The following LDLRAD4 variants were observed in gnomAD, a reference collection of about 807,000 sequenced individuals.
LDLRAD4 encodes low-density lipoprotein receptor class A domain-containing protein 4.
Under a neutral mutation model 17.0 loss-of-function variants are expected in LDLRAD4, and 5 were observed. That is an observed-to-expected ratio of 0.29 (90% confidence interval 0.15 to 0.62). The LOEUF is 0.62. LDLRAD4 is among the 20% of genes least tolerant of loss of function. The pLI, the probability that LDLRAD4 is intolerant of heterozygous loss-of-function variation, is 0.84. For synonymous variants in LDLRAD4, 168 were observed against 171.8 expected, an observed-to-expected ratio of 0.98 and a Z score of 0.17; for missense variants, 340 against 424.7, an observed-to-expected ratio of 0.80 and a Z score of 1.75.
intron 1 of LDLRAD4, among the ~76,000 whole-genome samples, chr18:13,253,599 G>A (rs11662617): frequency 0.38 from 57,669 of 151,904 alleles, 12,805 homozygotes; most frequent in East Asian, 0.52. Context: ...GGTACAGTAT[G>A]TGTTACCCTT....
rs140497422 is a variant in LDLRAD4 at position 13,270,173 on chromosome 18, G to T, written c.-466-7932G>T. On this transcript the variant is annotated intron_variant, in intron 1 of 5. Coordinates refer to the LDLRAD4 transcript ENST00000399848. The stretch of plus-strand genomic sequence containing the variant: ...ATCCCAGGAGTTTGAGACCAGGCTG[G>T]GCAACACAGCAAGATCCTGATTGTA... Among the ~76,000 whole-genome samples the T allele has an allele frequency of 1.3e-3, 192 of 152,082 alleles. 2 individuals carry two copies. In the East Asian group the frequency reaches 0.028, roughly 22 times the overall value.
At chr18:13,567,478 T>A (rs945452459) in intron 3 of LDLRAD4, among the ~76,000 whole-genome samples, 8 of 151,218 alleles carry the variant, frequency 5.3e-5, no homozygotes, top group Non-Finnish European at 7.4e-5. Context: ...CCCCAGGAGT[T>A]ACGCTTTTGC....
At chr18:13,612,486 A>C in intron 3 of LDLRAD4, 1 of 1,333,096 alleles carries the variant, frequency 7.5e-7, no homozygotes, top group Admixed American at 3.3e-5. Context: ...TGAGTCTAGC[A>C]CCTGGGGTGG....
Position 13,438,385 on chromosome 18 carries a change from G to A in LDLRAD4, c.181+1G>A, listed in dbSNP as rs2090803102. Reference sequence around the variant, plus strand: ...CACCCGCCTCCGGGCATCTTCAACTGTAAGTCTCTCCTCCCACCTGGGTGG... The same window carrying A: ...CACCCGCCTCCGGGCATCTTCAACTATAAGTCTCTCCTCCCACCTGGGTGG... On this transcript the variant is annotated splice_donor_variant, in intron 3 of 5. Transcript: ENST00000359446. LOFTEE classifies it high-confidence loss of function. The A allele has an allele frequency of 6.2e-7, 1 of 1,613,492 alleles. No homozygotes were observed. The highest frequency in any genetic ancestry group is 1.3e-5 in the African/African-American group (1 of 74,940).
rs377242716 is a variant in LDLRAD4 at position 13,430,654 on chromosome 18, TACAC to T, written c.41-7582_41-7579del. Among the ~76,000 whole-genome samples, 65 of 152,348 alleles carry T rather than the reference TACAC, an allele frequency of 4.3e-4. 1 individual carries two copies. The highest frequency in any genetic ancestry group is 6.8e-3 in the Middle Eastern group (2 of 294). ...AGACTCATTGAGCTGGACTTTCTGATACACACACACATGCATACATACACATATG... is the reference window on the plus strand; with the variant it reads ...AGACTCATTGAGCTGGACTTTCTGATACACACATGCATACATACACATATG... On this transcript the variant is annotated intron_variant, in intron 2 of 5. Coordinates refer to ENST00000359446, the Ensembl canonical transcript of LDLRAD4.
At chr18:13,513,515 G>A (rs1470111965) in intron 3 of LDLRAD4, among the ~76,000 whole-genome samples, 1 of 152,196 alleles carries the variant, frequency 6.6e-6, no homozygotes, top group East Asian at 1.9e-4. Flanking sequence ...AACTTCAGGA[G>A]CTTCAGATCT....
chr18:13,225,385 T>C (rs1181557656), intron 1 of LDLRAD4, among the ~76,000 whole-genome samples: 1 of 152,346 alleles, frequency 6.6e-6, no homozygotes, highest in African/African-American at 2.4e-5. Context: ...CTGGGATGGA[T>C]GCTGACCCCT....
chr18:13,292,251 C>A (rs1209393353), intron 1 of LDLRAD4, among the ~76,000 whole-genome samples: 1 of 152,188 alleles, frequency 6.6e-6, no homozygotes, highest in Non-Finnish European at 1.5e-5. Flanking sequence ...ACTGGGTGCA[C>A]CTTGCTGTGC....
At chr18:13,485,675 T>C (rs1478037622) in intron 3 of LDLRAD4, among the ~76,000 whole-genome samples, 1 of 152,208 alleles carries the variant, frequency 6.6e-6, no homozygotes, top group Non-Finnish European at 1.5e-5. Flanking sequence ...TTAATAATTA[T>C]CCCTATATGT....
chr18:13,643,464 G>GGGGGGGGGGGGGGGGGGCC, intron 5 of LDLRAD4, 52 bp downstream of exon 6: 1 of 288,992 alleles, frequency 3.5e-6, no homozygotes, highest in East Asian at 5.7e-5. Flanking sequence ...GGTGGGTGGG[G>GGGGGGGGGGGGGGGGGGCC]ATGAAGGGGG....
chr18:13,378,181 T>A (rs1318350450), intron 1 of LDLRAD4, among the ~76,000 whole-genome samples: 1 of 152,208 alleles, frequency 6.6e-6, no homozygotes, highest in Admixed American at 6.5e-5. Context: ...GATCAGTTTG[T>A]CTGAGCCTTA....
At chr18:13,362,570 A>G (rs1311066237) in intron 1 of LDLRAD4, 1 of 152,252 alleles carries the variant, frequency 6.6e-6, no homozygotes. Context: ...GCATCTAGAC[A>G]TTTCTAGCTG....
chr18:13,650,425 C>A, exon 6 of LDLRAD4: 1 of 398,564 alleles, frequency 2.5e-6, no homozygotes, highest in East Asian at 3.6e-5. Flanking sequence ...ATTATATATA[C>A]ACTATCCGTG....
upstream of LDLRAD4, among the ~76,000 whole-genome samples, chr18:13,277,384 C>T (rs576719039): frequency 6.6e-6 from 1 of 152,330 alleles, no homozygotes; most frequent in Non-Finnish European, 1.5e-5. Context: ...GAGCTCGAGG[C>T]GGTCACCCGA....
chr18:13,619,102 G>A (rs1293458946), intron 3 of LDLRAD4, among the ~76,000 whole-genome samples: 2 of 152,208 alleles, frequency 1.3e-5, no homozygotes, highest in African/African-American at 4.8e-5. Context: ...TCTCAGCCTG[G>A]GGGTGCTGAG....
chr18:13,611,934 G>A (rs1334543313), intron 3 of LDLRAD4: 2 of 985,282 alleles, frequency 2.0e-6, no homozygotes, highest in Admixed American at 6.1e-5. Context: ...AGGACAGCCC[G>A]CAGCCTGGCT....
At chr18:13,480,917 A>G (rs2093067713) in intron 3 of LDLRAD4, among the ~76,000 whole-genome samples, 1 of 152,238 alleles carries the variant, frequency 6.6e-6, no homozygotes, top group Admixed American at 6.5e-5. Flanking sequence ...CGTGTCAGCC[A>G]GAGCCTTGAC....
intron 1 of LDLRAD4, among the ~76,000 whole-genome samples, chr18:13,262,489 C>T (rs201634487): frequency 3.9e-3 from 112 of 28,494 alleles, no homozygotes; most frequent in Middle Eastern, 0.031. Context: ...CCCGTGCGGC[C>T]CTGTGCGTGG....
intron 1 of LDLRAD4, among the ~76,000 whole-genome samples, chr18:13,291,201 G>A (rs1481835407): frequency 6.6e-6 from 1 of 152,092 alleles, no homozygotes; most frequent in African/African-American, 2.4e-5. Context: ...GTTTGCTGAC[G>A]TCTTTACACC....
Sources: gnomAD v4.1 joint callset for allele counts (sites outside exome capture counted in the v4.1 genomes callset) on GRCh38, gnomAD v4.1.1 for gene constraint, MANE v1.5 for transcripts, NCBI Gene and HGNC (gene_info 2026-07-23, HGNC 2026-07-21) for gene names.